Variants in ARFGEF3 observed in about 807,000 individuals in gnomAD.
The protein encoded by ARFGEF3 is ARFGEF family member 3.
A neutral mutation model predicts 221.7 loss-of-function variants in ARFGEF3; 96 were observed. The ratio of observed to expected loss-of-function variants is 0.43; its 90% CI spans 0.37 to 0.51. ARFGEF3 has a LOEUF of 0.51. ARFGEF3 is among the 20% of genes least tolerant of loss of function. The probability of loss-of-function intolerance (pLI) is 0.00; values close to 1 mark genes in which losing one functional copy is unlikely to be tolerated. For missense variants in ARFGEF3, 2,410 were observed against 2,789.9 expected, an observed-to-expected ratio of 0.86 and a Z score of 3.07; for synonymous variants, 1,145 against 1,126.8, an observed-to-expected ratio of 1.02 and a Z score of -0.32.
At chr6:138,186,587 C>T (rs1777187559) in intron 2 of ARFGEF3, among the ~76,000 whole-genome samples, 1 of 152,154 alleles carries the variant, frequency 6.6e-6, no homozygotes, top group African/African-American at 2.4e-5. Flanking sequence ...GGGAAAGGCT[C>T]ACGCCAGTCC....
At chr6:138,271,531 A>G (rs532120541) in intron 12 of ARFGEF3, among the ~76,000 whole-genome samples, 1 of 152,358 alleles carries the variant, frequency 6.6e-6, no homozygotes, top group South Asian at 2.1e-4. Flanking sequence ...TAACAACCCC[A>G]TAAAGTAGAT....
intron 12 of ARFGEF3, among the ~76,000 whole-genome samples, chr6:138,275,519 G>A (rs1181656623): frequency 1.3e-5 from 2 of 152,112 alleles, no homozygotes; most frequent in Non-Finnish European, 2.9e-5. Context: ...GGGAGGCTGA[G>A]GCAGGTGGGT....
At chr6:138,242,817 G>A (rs1007621636) in intron 6 of ARFGEF3, 135 bp from the exon 7 acceptor site, 1 of 673,588 alleles carries the variant, frequency 1.5e-6, no homozygotes, top group Non-Finnish European at 2.7e-6. Flanking sequence ...GGTGGGTAGG[G>A]GTGGGCTCAG....
chr6:138,293,760 C>T (rs1779456432), intron 19 of ARFGEF3, among the ~76,000 whole-genome samples: 1 of 152,192 alleles, frequency 6.6e-6, no homozygotes, highest in South Asian at 2.1e-4. Flanking sequence ...CGGAGCTAGA[C>T]CATGAGGGCA....
intron 5 of ARFGEF3, among the ~76,000 whole-genome samples, chr6:138,237,661 G>A (rs1778312662): frequency 1.3e-5 from 2 of 152,276 alleles, no homozygotes; most frequent in South Asian, 4.1e-4. Flanking sequence ...ACAGAAGCAG[G>A]ACAGTGTTAG....
intron 4 of ARFGEF3, among the ~76,000 whole-genome samples, chr6:138,214,521 A>G (rs757902665): frequency 6.6e-6 from 1 of 152,226 alleles, no homozygotes; most frequent in Non-Finnish European, 1.5e-5. Context: ...GCACGTTGTT[A>G]TAACGGATCC....
chr6:138,231,377 G>A (rs1463641270), intron 5 of ARFGEF3, among the ~76,000 whole-genome samples: 4 of 152,046 alleles, frequency 2.6e-5, no homozygotes, highest in African/African-American at 9.7e-5. Flanking sequence ...GAGCTTGGTG[G>A]GAGAGAAAAA....
chr6:138,243,472 T>A (rs1280574249), intron 7 of ARFGEF3, among the ~76,000 whole-genome samples: 1 of 152,090 alleles, frequency 6.6e-6, no homozygotes, highest in Non-Finnish European at 1.5e-5. Context: ...TGAAATCAAG[T>A]TAAGGAACTT....
At chr6:138,182,950 GT>G (rs796707432) in intron 2 of ARFGEF3, among the ~76,000 whole-genome samples, 35 of 151,986 alleles carry the variant, frequency 2.3e-4, no homozygotes, top group African/African-American at 6.5e-4. Context: ...AAAATAATGG[GT>G]TTTTTTTCCT....
At position 138,278,633 on chromosome 6, in the gene ARFGEF3, C is replaced by T. The variant is rs1373503241; in HGVS notation, c.2295+16C>T. 1.9e-6 allele frequency: 3 copies of T among 1,612,732 alleles called. No homozygotes were observed. In the South Asian group the frequency reaches 3.3e-5, roughly 18 times the overall value. On this transcript the variant is annotated intron_variant, in intron 13 of 33. Transcript: ENST00000251691. ...AGGCGTGATGGTGAGTGTGCCGTCC[C>T]TCATTGGACTGGCAGAGGGCAGGCT...
At chr6:138,322,448 A>G (rs946366967) in intron 29 of ARFGEF3, among the ~76,000 whole-genome samples, 1 of 152,194 alleles carries the variant, frequency 6.6e-6, no homozygotes, top group African/African-American at 2.4e-5. Flanking sequence ...GGACACAGCC[A>G]AACTGTATCA....
At position 138,162,219 on chromosome 6, in the gene ARFGEF3, G is replaced by A. The variant is rs1339190138; in HGVS notation, c.85+48G>A. 1.4e-6 allele frequency: 2 copies of A among 1,463,040 alleles called. No homozygotes were observed. Among genetic ancestry groups the A allele is most frequent in the South Asian group, 1.2e-5 (1 of 83,190 alleles). 90.6% of individuals were successfully genotyped at this position (1,463,040 alleles called of 1,614,324 possible). ...CCGCGGCGGGAGGGCCGCGCGGCCGGGGCTGAACCCGCGCCTCCGCGCGTG... is the reference window on the plus strand; with the variant it reads ...CCGCGGCGGGAGGGCCGCGCGGCCGAGGCTGAACCCGCGCCTCCGCGCGTG... On this transcript the variant is annotated intron_variant, in intron 1 of 33. Coordinates refer to ENST00000251691, the MANE Select transcript of ARFGEF3 (RefSeq NM_020340.5). The surrounding 1 kb of genome is among the most constrained non-coding windows in gnomAD (Gnocchi z 4.7).
chr6:138,225,786 A>G (rs546164555), intron 4 of ARFGEF3, among the ~76,000 whole-genome samples: 1 of 152,164 alleles, frequency 6.6e-6, no homozygotes, highest in Non-Finnish European at 1.5e-5. Context: ...TGATATTTCT[A>G]ATATTTTTTT....
chr6:138,203,070 A>G (rs1777565078), intron 2 of ARFGEF3, among the ~76,000 whole-genome samples: 1 of 152,096 alleles, frequency 6.6e-6, no homozygotes, highest in Admixed American at 6.6e-5. Flanking sequence ...CTTGGGATCC[A>G]TGTAGAGTCG....
chr6:138,316,012 T>G (rs1414121651), intron 26 of ARFGEF3, among the ~76,000 whole-genome samples: 1 of 152,222 alleles, frequency 6.6e-6, no homozygotes. Context: ...CTTAGCATTT[T>G]AAACCTCAAA....
chr6:138,212,976 A>G (rs546628276), intron 4 of ARFGEF3, among the ~76,000 whole-genome samples: 13 of 152,200 alleles, frequency 8.5e-5, no homozygotes, highest in South Asian at 2.1e-4. Flanking sequence ...GAAACCTTCA[A>G]TTGTGTACGT....
At chr6:138,262,115 T>C (rs1778807844) in intron 11 of ARFGEF3, among the ~76,000 whole-genome samples, 1 of 151,772 alleles carries the variant, frequency 6.6e-6, no homozygotes, top group Admixed American at 6.6e-5. Context: ...AAGTCATAAA[T>C]ACTCATCAGG....
chr6:138,315,561 A>T (rs1403152707), intron 26 of ARFGEF3, among the ~76,000 whole-genome samples: 2 of 152,186 alleles, frequency 1.3e-5, no homozygotes, highest in African/African-American at 2.4e-5. Flanking sequence ...ACAAAGTCTC[A>T]CAAGTTCAGG....
At chr6:138,313,107 G>T (rs1428485406) in intron 25 of ARFGEF3, among the ~76,000 whole-genome samples, 1 of 152,212 alleles carries the variant, frequency 6.6e-6, no homozygotes, top group Non-Finnish European at 1.5e-5. Context: ...AGACCCACCA[G>T]AACAGGAATT....
Sources: allele counts gnomAD v4.1 joint callset (sites outside exome capture counted in the v4.1 genomes callset), GRCh38; gene constraint gnomAD v4.1.1; non-coding constraint Gnocchi (gnomAD v3.1); transcripts MANE v1.5; gene names NCBI Gene and HGNC (gene_info 2026-07-23, HGNC 2026-07-21).